SPIDR: variants seen among roughly 807,000 people sequenced by gnomAD.
SPIDR encodes DNA repair-scaffolding protein.
In SPIDR, 93 loss-of-function variants were observed where a neutral mutation model predicts 104.6. The observed-to-expected ratio is 0.89, with a 90% CI of 0.75 to 1.06. The LOEUF (loss-of-function observed/expected upper bound fraction) is 1.06, where lower values mean the gene tolerates loss of function less well. Ranked by LOEUF, SPIDR falls within the 50% of genes least tolerant of loss-of-function variation. The pLI is 0.00. For synonymous variants in SPIDR, 431 were observed against 416.9 expected (o/e 1.03, Z -0.41); for missense variants, 1,154 against 1,111.2 (o/e 1.04, Z -0.55).
intron 8 of SPIDR, among the ~76,000 whole-genome samples, chr8:47,551,129 C>T (rs1346731819): frequency 1.3e-5 from 2 of 152,112 alleles, no homozygotes; most frequent in Admixed American, 6.6e-5. Context: ...CCAACTTGCT[C>T]GTGGTGGATA....
At chr8:47,350,770 A>G (rs961165331) in intron 5 of SPIDR, among the ~76,000 whole-genome samples, 6 of 152,246 alleles carry the variant, frequency 3.9e-5, no homozygotes, top group African/African-American at 1.2e-4. Context: ...AAGCAGTACT[A>G]TAACATTTGA....
intron 1 of SPIDR, among the ~76,000 whole-genome samples, chr8:47,274,778 A>G (rs985922750): frequency 6.6e-6 from 1 of 151,178 alleles, no homozygotes; most frequent in Non-Finnish European, 1.5e-5. Flanking sequence ...TTTTCACCAG[A>G]TTGGCCAGGC....
chr8:47,505,675 A>T (rs1324940252), intron 8 of SPIDR, among the ~76,000 whole-genome samples: 1 of 152,160 alleles, frequency 6.6e-6, no homozygotes, highest in East Asian at 1.9e-4. Flanking sequence ...TCAGTTGGAA[A>T]TGCAGAAATC....
At chr8:47,384,922 C>G (rs1452165829) in intron 5 of SPIDR, among the ~76,000 whole-genome samples, 1 of 152,176 alleles carries the variant, frequency 6.6e-6, no homozygotes, top group African/African-American at 2.4e-5. Flanking sequence ...AATGTGTCCT[C>G]TCCTACCCAT....
intron 11 of SPIDR, chr8:47,688,595 A>C (rs2078174279): frequency 6.6e-6 from 1 of 152,186 alleles, no homozygotes. Context: ...TTTTCATTCC[A>C]TTTTATGCAT....
intron 8 of SPIDR, among the ~76,000 whole-genome samples, chr8:47,450,895 G>A (rs1450589427): frequency 4.6e-5 from 7 of 152,162 alleles, no homozygotes; most frequent in African/African-American, 1.7e-4. Flanking sequence ...AATCACAGAT[G>A]GACAATTCCA....
chr8:47,728,663 G>C lies in SPIDR; in HGVS notation c.2436-270G>C, dbSNP rs1423710991. 1.2e-5 allele frequency: 4 copies of C among 326,158 alleles called. No individual in the cohort carries two copies. In the Admixed American group the frequency reaches 1.5e-4, roughly 12 times the overall value. The allele number at this position is 326,158 out of a possible 1,614,324, so 20.2% of individuals were successfully genotyped here. ...CCTGACCCCTGGCCTCCCAGGCCCT[G>C]ACCTCCCTTCCTGGGAGGCTCAGCA... On this transcript the variant is annotated intron_variant, in intron 17 of 19. Coordinates refer to ENST00000297423, the MANE Select transcript of SPIDR (RefSeq NM_001080394.4).
In SPIDR at chr8:47,552,571, A is replaced by T. The variant is rs897994743; in HGVS notation, c.1098-43240A>T. Among the ~76,000 whole-genome samples, 67 of 152,104 alleles carry T rather than the reference A, an allele frequency of 4.4e-4. 1 individual carries two copies. The highest frequency in any genetic ancestry group is 1.5e-3 in the African/African-American group (61 of 41,538). On this transcript the variant is annotated intron_variant, in intron 8 of 19. Transcript: ENST00000297423. ...GATCTTTGTTGTTTTATTAGAGACT[A>T]GGATTGCAACCCCTGCTTTTTTTTT...
chr8:47,325,476 A>T (rs2047504794), intron 5 of SPIDR, among the ~76,000 whole-genome samples: 1 of 152,236 alleles, frequency 6.6e-6, no homozygotes, highest in Non-Finnish European at 1.5e-5. Flanking sequence ...TTTCTCATGG[A>T]CTTATTTCAG....
intron 14 of SPIDR, among the ~76,000 whole-genome samples, chr8:47,704,233 C>T (rs140777000): frequency 6.6e-6 from 1 of 152,318 alleles, no homozygotes; most frequent in Non-Finnish European, 1.5e-5. Flanking sequence ...ACATTTAGCT[C>T]TTTATTTTTT....
intron 11 of SPIDR, among the ~76,000 whole-genome samples, chr8:47,686,624 T>C (rs1020848730): frequency 6.6e-6 from 1 of 152,202 alleles, no homozygotes; most frequent in Non-Finnish European, 1.5e-5. Flanking sequence ...GTATGTGAGC[T>C]GGGTCTTAAG....
chr8:47,414,080 G>A (rs2063893419), intron 7 of SPIDR, among the ~76,000 whole-genome samples: 1 of 152,168 alleles, frequency 6.6e-6, no homozygotes, highest in Non-Finnish European at 1.5e-5. Context: ...GTGAAGCATA[G>A]GACATAGGTT....
chr8:47,375,079 C>T (rs1554641475), intron 5 of SPIDR, among the ~76,000 whole-genome samples: 1 of 151,866 alleles, frequency 6.6e-6, no homozygotes, highest in Non-Finnish European at 1.5e-5. Context: ...AAACCCCAGA[C>T]ATTTAATTAT....
chr8:47,567,055 G>T (rs1347957729), intron 8 of SPIDR, among the ~76,000 whole-genome samples: 1 of 152,068 alleles, frequency 6.6e-6, no homozygotes, highest in Non-Finnish European at 1.5e-5. Flanking sequence ...TTGTTCTCTG[G>T]TTGGAAGATT....
In SPIDR at chr8:47,735,978, AC is replaced by A; in HGVS notation, c.*531del. 1 of 211,450 alleles carries A rather than the reference AC, an allele frequency of 4.7e-6. No homozygotes were observed. Among genetic ancestry groups the A allele is most frequent in the South Asian group, 6.4e-5 (1 of 15,746 alleles). 13.1% of individuals were successfully genotyped at this position (211,450 alleles called of 1,614,324 possible). On this transcript the variant is annotated 3_prime_UTR_variant, in exon 20 of 20. Transcript: ENST00000297423. ...GAACTGTATCACAGGTGAAACTGTT[AC>A]CCATAAAGTGTAGCTCTCTGAACTG...
At chr8:47,271,762 G>C (rs1367715462) in intron 1 of SPIDR, among the ~76,000 whole-genome samples, 1 of 151,852 alleles carries the variant, frequency 6.6e-6, no homozygotes, top group Admixed American at 6.6e-5. Flanking sequence ...TCCTTATCAT[G>C]CTTTCCTGTT....
intron 7 of SPIDR, among the ~76,000 whole-genome samples, chr8:47,421,049 C>T (rs1241394554): frequency 6.6e-6 from 1 of 152,184 alleles, no homozygotes; most frequent in Non-Finnish European, 1.5e-5. Flanking sequence ...AACATTTTTT[C>T]CTCCATTTCA....
intron 10 of SPIDR, chr8:47,659,560 G>C (rs1234989781): frequency 5.0e-6 from 1 of 200,252 alleles, no homozygotes; most frequent in Non-Finnish European, 8.9e-6. Context: ...TTTCCCGGTC[G>C]GCCCTCCTCC....
rs564828714 is a variant in SPIDR, at chr8:47,335,538, C to T, written c.525+41508C>T. 3.3e-3 allele frequency among the ~76,000 whole-genome samples: 497 copies of T among 152,318 alleles called. 2 individuals carry two copies. The highest frequency in any genetic ancestry group is 3.6e-3 in the Non-Finnish European group (245 of 68,030). Reference sequence around the variant, plus strand: ...CAATCTCAGCTTACTGCAACCTCCACCTCCCAGGTTCAAGTGATTCTCTTG... The same window carrying T: ...CAATCTCAGCTTACTGCAACCTCCATCTCCCAGGTTCAAGTGATTCTCTTG... On this transcript the variant is annotated intron_variant, in intron 5 of 19. Coordinates refer to ENST00000297423, the MANE Select transcript of SPIDR (RefSeq NM_001080394.4).
Sources: allele counts gnomAD v4.1 joint callset (sites outside exome capture counted in the v4.1 genomes callset), GRCh38; gene constraint gnomAD v4.1.1; transcripts MANE v1.5; gene names NCBI Gene and HGNC (gene_info 2026-07-23, HGNC 2026-07-21).